The following NOX4 variants were observed in gnomAD, a reference collection of about 807,000 sequenced individuals.
NOX4 encodes the protein NADPH oxidase 4.
In NOX4, 69 loss-of-function variants were observed where a neutral mutation model predicts 87.6. That is an observed-to-expected ratio of 0.79 (90% CI 0.65 to 0.96). The LOEUF (loss-of-function observed/expected upper bound fraction) is 0.96, where lower values mean the gene tolerates loss of function less well. NOX4 is among the 40% of genes least tolerant of loss of function. The pLI is 0.00. For synonymous variants in NOX4, 275 were observed against 238.2 expected, an observed-to-expected ratio of 1.15 and a Z score of -1.42; for missense variants, 680 against 681.5, an observed-to-expected ratio of 1.00 and a Z score of 0.02.
chr11:89,329,931 A>G (rs1590934964), intron 17 of NOX4, among the ~76,000 whole-genome samples: 1 of 152,192 alleles, frequency 6.6e-6, no homozygotes, highest in East Asian at 1.9e-4. Context: ...ATTTGAATCA[A>G]CCAAAGGAAA....
intron 2 of NOX4, among the ~76,000 whole-genome samples, chr11:89,485,060 C>T (rs1946538022): frequency 6.6e-6 from 1 of 152,056 alleles, no homozygotes; most frequent in Non-Finnish European, 1.5e-5. Flanking sequence ...CAGTCTCTGA[C>T]CTTAAGAAAT....
chr11:89,389,068 T>C (rs1448429964), intron 11 of NOX4, among the ~76,000 whole-genome samples: 2 of 152,128 alleles, frequency 1.3e-5, no homozygotes, highest in Non-Finnish European at 2.9e-5. Flanking sequence ...TATTCCAAAA[T>C]CCATGATCTG....
chr11:89,446,028 A>C (rs1006327662), intron 4 of NOX4, among the ~76,000 whole-genome samples: 1 of 152,154 alleles, frequency 6.6e-6, no homozygotes, highest in South Asian at 2.1e-4. Flanking sequence ...AAGAAAACAA[A>C]CAACCCAATT....
At chr11:89,397,964 T>G (rs546934660) in intron 11 of NOX4, among the ~76,000 whole-genome samples, 3 of 152,248 alleles carry the variant, frequency 2.0e-5, no homozygotes, top group African/African-American at 7.2e-5. Context: ...TAACTCATTT[T>G]ATGAGGCCAG....
chr11:89,461,858 C>T (rs1945483932), intron 2 of NOX4, among the ~76,000 whole-genome samples: 1 of 151,848 alleles, frequency 6.6e-6, no homozygotes, highest in African/African-American at 2.4e-5. Context: ...TTGCGTTACC[C>T]ATCTGCCAAG....
rs1372976233 is a variant in NOX4, at chr11:89,325,267, G to A, written c.*1489C>T. On this transcript the variant is annotated 3_prime_UTR_variant, in exon 18 of 18. Transcript: ENST00000263317. ...GTCTCCCGAGTAGTTGGGATTATAG[G>A]CACCCGCCACCACACCCGCCTAATA... is the stretch of plus-strand genomic sequence containing the variant. 1 of 151,652 alleles carries A rather than the reference G, an allele frequency of 6.6e-6. No individual in the cohort carries two copies. The highest frequency in any genetic ancestry group is 1.9e-4 in the East Asian group (1 of 5,144). 9.4% of individuals were successfully genotyped at this position (151,652 alleles called of 1,614,324 possible). A position where few individuals can be genotyped will look rare whatever the true frequency, so the allele number is the denominator to read the frequency against.
At chr11:89,466,486 G>A (rs757106938) in intron 2 of NOX4, among the ~76,000 whole-genome samples, 1 of 152,150 alleles carries the variant, frequency 6.6e-6, no homozygotes, top group East Asian at 1.9e-4. Context: ...TTAACTTATT[G>A]CCATAGGGTC....
At chr11:89,450,126 AC>A (rs1944893090) in intron 3 of NOX4, among the ~76,000 whole-genome samples, 1 of 152,182 alleles carries the variant, frequency 6.6e-6, no homozygotes, top group African/African-American at 2.4e-5. Context: ...TTAGGTGGGA[AC>A]TTTTTATTCC....
At chr11:89,570,897 C>T in the NOX4 span, among the ~76,000 whole-genome samples, 2 of 152,188 alleles carry the variant, frequency 1.3e-5, no homozygotes, top group Non-Finnish European at 2.9e-5. Flanking sequence ...ATGCCACACC[C>T]TATGGGAAGG....
intron 4 of NOX4, among the ~76,000 whole-genome samples, chr11:89,447,101 G>A (rs16913247): frequency 0.071 from 10,827 of 152,032 alleles, 1,225 homozygotes; most frequent in African/African-American, 0.24. Flanking sequence ...GCTAACATGA[G>A]TTAAATAACA....
At chr11:89,551,137 G>T in the NOX4 span, among the ~76,000 whole-genome samples, 2 of 152,106 alleles carry the variant, frequency 1.3e-5, no homozygotes, top group South Asian at 4.1e-4. Flanking sequence ...TGTTCCATTG[G>T]TCTATATATT....
intron 5 of NOX4, 121 bp from the exon 6 acceptor site, chr11:89,440,836 C>A: frequency 4.0e-6 from 2 of 498,384 alleles, no homozygotes; most frequent in Non-Finnish European, 3.5e-6. Context: ...GTTCATCCAA[C>A]GGAAGTGAGA....
At chr11:89,529,929 G>T in the NOX4 span, among the ~76,000 whole-genome samples, 1 of 152,040 alleles carries the variant, frequency 6.6e-6, no homozygotes, top group African/African-American at 2.4e-5. Flanking sequence ...TGAAGTTATT[G>T]CTTTACACAT....
intron 2 of NOX4, among the ~76,000 whole-genome samples, chr11:89,477,898 A>G (rs973905102): frequency 5.3e-5 from 8 of 152,184 alleles, no homozygotes; most frequent in Admixed American, 3.9e-4. Context: ...ATATACTGTC[A>G]TTGGCAAAAT....
chr11:89,520,068 C>T, the NOX4 span, among the ~76,000 whole-genome samples: 1 of 151,788 alleles, frequency 6.6e-6, no homozygotes, highest in Non-Finnish European at 1.5e-5. Context: ...TGAGTTTGTA[C>T]CATTATGATC....
At chr11:89,465,508 T>A (rs1342403159) in intron 2 of NOX4, among the ~76,000 whole-genome samples, 1 of 152,192 alleles carries the variant, frequency 6.6e-6, no homozygotes. Context: ...GTAATGTGAT[T>A]GCTGGGTCAA....
chr11:89,574,399 G>A, the NOX4 span, among the ~76,000 whole-genome samples: 2 of 152,202 alleles, frequency 1.3e-5, no homozygotes, highest in Non-Finnish European at 2.9e-5. Flanking sequence ...TGCCTACAGA[G>A]CAGAAGGATT....
chr11:89,451,846 CA>C lies in NOX4; in HGVS notation c.202del (p.Cys68AlafsTer58), dbSNP rs1395443854. 1.2e-5 allele frequency: 20 copies of C among 1,613,268 alleles called. No homozygotes were observed. The highest frequency in any genetic ancestry group is 1.6e-5 in the Non-Finnish European group (19 of 1,179,514). ...GCACATGGGTAAAAGGATAAGGCTG[CA>C]GTTGAGGTTAAGAACAGATGCTGAG... ...RASASVLNLN[C>X]SLILLPMCRT... On this transcript the variant is annotated frameshift_variant, in exon 3 of 18. Transcript: ENST00000263317. LOFTEE classifies it high-confidence loss of function.
chr11:89,406,767 A>C (rs1348517859), intron 8 of NOX4, among the ~76,000 whole-genome samples: 1 of 152,182 alleles, frequency 6.6e-6, no homozygotes, highest in Non-Finnish European at 1.5e-5. Context: ...GAATAGCCAC[A>C]GCACAGATAT....
Sources: allele counts gnomAD v4.1 joint callset (sites outside exome capture counted in the v4.1 genomes callset), GRCh38; gene constraint gnomAD v4.1.1; transcripts MANE v1.5; gene names NCBI Gene and HGNC (gene_info 2026-07-23, HGNC 2026-07-21).